CNTN5: variants seen among roughly 807,000 people sequenced by gnomAD.
CNTN5 encodes contactin-5.
Under a neutral mutation model 129.1 loss-of-function variants are expected in CNTN5, and 77 were observed. The observed-to-expected ratio is 0.60, with a 90% confidence interval of 0.50 to 0.72. The LOEUF is 0.72. Among genes scored for constraint, CNTN5 ranks in the 30% least tolerant of loss-of-function variants. The pLI, the probability that CNTN5 is intolerant of heterozygous loss-of-function variation, is 0.00. For missense variants in CNTN5, 1,478 were observed against 1,328.8 expected (o/e 1.11, Z -1.75); for synonymous variants, 509 against 465.6 (o/e 1.09, Z -1.20).
At chr11:100,296,147 C>T (rs183997862) in intron 18 of CNTN5, among the ~76,000 whole-genome samples, 1 of 151,308 alleles carries the variant, frequency 6.6e-6, no homozygotes. Context: ...GTGTCTTACC[C>T]GTAACATTGA....
chr11:99,639,034 CTT>C (rs1173746386), intron 3 of CNTN5, among the ~76,000 whole-genome samples: 1 of 152,242 alleles, frequency 6.6e-6, no homozygotes, highest in Non-Finnish European at 1.5e-5. Flanking sequence ...CTGCAGCAAA[CTT>C]TTGCCTGTGC....
intron 1 of CNTN5, among the ~76,000 whole-genome samples, chr11:99,122,384 TA>T (rs1858386792): frequency 6.6e-6 from 1 of 152,088 alleles, no homozygotes; most frequent in African/African-American, 2.4e-5. Flanking sequence ...TAGGAAAGCT[TA>T]AAAATATTAA....
chr11:99,993,646 A>G (rs1315401021), intron 8 of CNTN5, among the ~76,000 whole-genome samples: 2 of 152,140 alleles, frequency 1.3e-5, no homozygotes, highest in African/African-American at 4.8e-5. Context: ...GGTGGAAGTC[A>G]GGCAGTAATG....
At chr11:100,208,470 G>A (rs1377481832) in intron 15 of CNTN5, among the ~76,000 whole-genome samples, 1 of 152,110 alleles carries the variant, frequency 6.6e-6, no homozygotes, top group Non-Finnish European at 1.5e-5. Context: ...AGATCTCAGG[G>A]TTCTAAGACC....
chr11:99,083,751 G>T (rs1029353844), intron 1 of CNTN5, among the ~76,000 whole-genome samples: 2 of 152,064 alleles, frequency 1.3e-5, no homozygotes, highest in African/African-American at 4.8e-5. Flanking sequence ...AATTAGAGGA[G>T]GTGAATGAAT....
At chr11:99,412,957 A>G (rs1942466909) in intron 2 of CNTN5, among the ~76,000 whole-genome samples, 1 of 152,216 alleles carries the variant, frequency 6.6e-6, no homozygotes, top group Non-Finnish European at 1.5e-5. Flanking sequence ...AGCAGACATC[A>G]ACAACAAATT....
chr11:99,713,667 C>T (rs906584646), intron 3 of CNTN5, among the ~76,000 whole-genome samples: 6 of 151,828 alleles, frequency 4.0e-5, no homozygotes, highest in East Asian at 1.9e-4. Context: ...ATTAAGACTT[C>T]GTCTCTTTTT....
chr11:100,345,030 A>G (rs1471266784), intron 23 of CNTN5, among the ~76,000 whole-genome samples: 2 of 152,184 alleles, frequency 1.3e-5, no homozygotes, highest in African/African-American at 4.8e-5. Flanking sequence ...GCACAAGATA[A>G]AACAGCAGAA....
At position 100,192,481 on chromosome 11, in the gene CNTN5, A is replaced by T. The variant is rs146736388; in HGVS notation, c.1709-1007A>T. Among the ~76,000 whole-genome samples the T allele has an allele frequency of 9.4e-3, 1,427 of 152,120 alleles. 25 individuals carry two copies. Among genetic ancestry groups the T allele is most frequent in the African/African-American group, 0.032 (1,337 of 41,530 alleles). ...ATAGAAGGACATGGAACATTAAAGGATCTGATCAGTGGTTAGGAGTGGTGT... is the reference window on the plus strand; with the variant it reads ...ATAGAAGGACATGGAACATTAAAGGTTCTGATCAGTGGTTAGGAGTGGTGT... On this transcript the variant is annotated intron_variant, in intron 14 of 24. Coordinates refer to ENST00000524871, the MANE Select transcript of CNTN5 (RefSeq NM_014361.4).
intron 3 of CNTN5, among the ~76,000 whole-genome samples, chr11:99,785,829 A>G (rs1228844533): frequency 6.6e-6 from 1 of 152,148 alleles, no homozygotes; most frequent in Non-Finnish European, 1.5e-5. Flanking sequence ...AACTCTAAAT[A>G]AAGTAGGTAT....
chr11:99,790,156 G>A (rs922879107), intron 3 of CNTN5, among the ~76,000 whole-genome samples: 1 of 151,918 alleles, frequency 6.6e-6, no homozygotes, highest in African/African-American at 2.4e-5. Context: ...GTATTCTATG[G>A]TGTACATGTG....
intron 21 of CNTN5, among the ~76,000 whole-genome samples, chr11:100,317,969 C>G (rs970601415): frequency 1.3e-5 from 2 of 151,840 alleles, no homozygotes; most frequent in Admixed American, 1.3e-4. Flanking sequence ...CGGCTGGGCG[C>G]GATGGCTGAA....
At chr11:100,350,113 A>T (rs931778731) in intron 23 of CNTN5, among the ~76,000 whole-genome samples, 2 of 151,812 alleles carry the variant, frequency 1.3e-5, no homozygotes, top group Non-Finnish European at 2.9e-5. Flanking sequence ...AGCAAAAATT[A>T]AAAAAATAAA....
chr11:99,335,371 A>C lies in CNTN5; in HGVS notation c.-71+9887A>C, dbSNP rs547678322. On this transcript the variant is annotated intron_variant, in intron 2 of 24. Coordinates refer to ENST00000524871, the MANE Select transcript of CNTN5 (RefSeq NM_014361.4). ...TAAGTTCTCTGGAGTCATGTTACCT[A>C]TATGGTGCCCATGCTAAAAATTCTA... 1.4e-4 allele frequency among the ~76,000 whole-genome samples: 22 copies of C among 152,202 alleles called. 1 individual carries two copies. In the South Asian group the frequency reaches 4.6e-3, roughly 32 times the overall value.
At chr11:99,156,641 A>T (rs12293967) in intron 1 of CNTN5, among the ~76,000 whole-genome samples, 5,211 of 151,890 alleles carry the variant, frequency 0.034, 300 homozygotes, top group African/African-American at 0.12. Flanking sequence ...TCATCCTATA[A>T]TTTTTTTTAT....
intron 3 of CNTN5, among the ~76,000 whole-genome samples, chr11:99,769,869 C>T (rs2845956): frequency 0.47 from 71,333 of 151,216 alleles, 17,348 homozygotes; most frequent in Non-Finnish European, 0.55. Flanking sequence ...CAGCTCAAGT[C>T]TAATATGGTA....
intron 1 of CNTN5, among the ~76,000 whole-genome samples, chr11:99,025,444 A>T (rs1373823874): frequency 6.6e-6 from 1 of 151,834 alleles, no homozygotes; most frequent in Non-Finnish European, 1.5e-5. Context: ...GATGTTCTTC[A>T]TAGGATTCTT....
chr11:100,240,728 C>T (rs902306276), intron 16 of CNTN5, among the ~76,000 whole-genome samples: 1 of 152,058 alleles, frequency 6.6e-6, no homozygotes, highest in Non-Finnish European at 1.5e-5. Context: ...ATTTATACTG[C>T]AGAAGAAGAA....
chr11:99,691,319 A>T (rs1056393461), intron 3 of CNTN5, among the ~76,000 whole-genome samples: 2 of 151,208 alleles, frequency 1.3e-5, no homozygotes, highest in Non-Finnish European at 2.9e-5. Context: ...TTGGTTCTCT[A>T]GTTTGTTTAG....
Sources: allele counts gnomAD v4.1 joint callset (sites outside exome capture counted in the v4.1 genomes callset), GRCh38; gene constraint gnomAD v4.1.1; transcripts MANE v1.5; gene names NCBI Gene and HGNC (gene_info 2026-07-23, HGNC 2026-07-21).